Variants in CCDC3 observed in about 807,000 individuals in gnomAD.
The protein encoded by CCDC3 is coiled-coil domain containing 3.
A neutral mutation model predicts 21.4 loss-of-function variants in CCDC3; 24 were observed. The observed-to-expected ratio is 1.12, with a 90% CI of 0.81 to 1.58. CCDC3 has a LOEUF of 1.58. Among genes scored for constraint, CCDC3 ranks in the 40% most tolerant of loss-of-function variants. The pLI is 0.00. For missense variants in CCDC3, 425 were observed against 360.9 expected, an observed-to-expected ratio of 1.18 and a Z score of -1.44; for synonymous variants, 186 against 166.0, an observed-to-expected ratio of 1.12 and a Z score of -0.93.
At chr10:13,010,494 G>C (rs1471571161) in intron 5 of CCDC3, among the ~76,000 whole-genome samples, 2 of 152,120 alleles carry the variant, frequency 1.3e-5, no homozygotes, top group African/African-American at 4.8e-5. Context: ...GAACATGAAG[G>C]AACTGGAACT....
At chr10:12,963,154 T>C (rs1835205874) in intron 2 of CCDC3, among the ~76,000 whole-genome samples, 1 of 152,202 alleles carries the variant, frequency 6.6e-6, no homozygotes. Context: ...TGGGTTTCAT[T>C]AACACATTAA....
At chr10:12,912,729 G>A (rs1295021826) in intron 2 of CCDC3, among the ~76,000 whole-genome samples, 1 of 152,094 alleles carries the variant, frequency 6.6e-6, no homozygotes, top group Non-Finnish European at 1.5e-5. Context: ...TTTGCTTCTG[G>A]TAGGTTTACA....
At chr10:13,034,358 G>A (rs1378972536) in intron 5 of CCDC3, among the ~76,000 whole-genome samples, 3 of 122,578 alleles carry the variant, frequency 2.4e-5, no homozygotes, top group Non-Finnish European at 5.1e-5. Context: ...GGGGGGAGGG[G>A]CGAGGGATAG....
At chr10:12,994,420 A>C (rs1835728252) in intron 2 of CCDC3, among the ~76,000 whole-genome samples, 2 of 151,262 alleles carry the variant, frequency 1.3e-5, no homozygotes, top group African/African-American at 4.9e-5. Context: ...AAACAAAAAA[A>C]AAAAACACCC....
intron 4 of CCDC3, among the ~76,000 whole-genome samples, chr10:13,064,950 A>T (rs1174833290): frequency 1.3e-5 from 2 of 152,142 alleles, no homozygotes; most frequent in African/African-American, 4.8e-5. Flanking sequence ...ATATGCATTT[A>T]TCTCGGTGAG....
chr10:13,039,256 A>AC, intron 5 of CCDC3, among the ~76,000 whole-genome samples: 1 of 152,214 alleles, frequency 6.6e-6, no homozygotes, highest in Middle Eastern at 3.4e-3. Context: ...TTTCTACTAA[A>AC]CCCGCATATC....
intron 5 of CCDC3, among the ~76,000 whole-genome samples, chr10:13,043,416 A>G (rs1836486671): frequency 6.6e-6 from 1 of 152,062 alleles, no homozygotes; most frequent in Non-Finnish European, 1.5e-5. Flanking sequence ...AACATGGTGA[A>G]AACCTGCTTC....
chr10:13,089,770 T>C (rs952784288), intron 3 of CCDC3, among the ~76,000 whole-genome samples: 1 of 151,958 alleles, frequency 6.6e-6, no homozygotes, highest in African/African-American at 2.4e-5. Context: ...GAGATTTTGG[T>C]GCTCCCATCA....
intron 2 of CCDC3, among the ~76,000 whole-genome samples, chr10:12,943,019 C>A (rs1202551223): frequency 6.6e-6 from 1 of 152,104 alleles, no homozygotes; most frequent in Non-Finnish European, 1.5e-5. Context: ...ATGTTTATTT[C>A]TCTCTGTAGG....
chr10:13,004,428 CTA>C (rs1205101756), upstream of CCDC3, among the ~76,000 whole-genome samples: 7 of 152,178 alleles, frequency 4.6e-5, no homozygotes, highest in Non-Finnish European at 8.8e-5. Flanking sequence ...AGAAACATCA[CTA>C]TGGGAAATTC....
chr10:13,009,816 T>G (rs527944768), intron 5 of CCDC3, among the ~76,000 whole-genome samples: 1 of 152,326 alleles, frequency 6.6e-6, no homozygotes, highest in East Asian at 1.9e-4. Flanking sequence ...CTCTGCTAAC[T>G]TGAGTTAGAC....
intron 3 of CCDC3, among the ~76,000 whole-genome samples, chr10:13,097,317 C>CTT (rs1258096296): frequency 6.6e-6 from 1 of 152,212 alleles, no homozygotes; most frequent in African/African-American, 2.4e-5. Context: ...CTAACACAAG[C>CTT]AACAGCAACA....
At chr10:12,986,009 G>A (rs920807404) in intron 2 of CCDC3, among the ~76,000 whole-genome samples, 3 of 152,176 alleles carry the variant, frequency 2.0e-5, no homozygotes, top group Non-Finnish European at 2.9e-5. Flanking sequence ...CTGAGTAGCT[G>A]GGACTACAGG....
At chr10:13,046,803 G>A (rs1836535911) in intron 5 of CCDC3, among the ~76,000 whole-genome samples, 1 of 152,108 alleles carries the variant, frequency 6.6e-6, no homozygotes. Flanking sequence ...TTCAGATACA[G>A]TGATCTATCA....
rs919207413 is a variant in CCDC3 at position 12,919,051 on chromosome 10, A to G, written c.550-20372T>C. Among the ~76,000 whole-genome samples the G allele has an allele frequency of 2.0e-5, 3 of 151,920 alleles. No homozygotes were observed. The East Asian group carries it at 5.9e-4, about 30-fold the overall frequency. On this transcript the variant is annotated intron_variant, in intron 2 of 2. Coordinates refer to ENST00000378825, the MANE Select transcript of CCDC3 (RefSeq NM_031455.4). The stretch of plus-strand genomic sequence containing the variant: ...AGCCTGGGTGACAGAGCAAGACCCC[A>G]TCTCGAAAAACAAAACAAAACAAAA...
intron 5 of CCDC3, among the ~76,000 whole-genome samples, chr10:13,012,778 C>A (rs1835998658): frequency 1.3e-5 from 2 of 151,602 alleles, no homozygotes; most frequent in Admixed American, 1.3e-4. Context: ...CTAAAAAAAA[C>A]AAAACAAACA....
chr10:13,055,566 C>T (rs960310606), intron 4 of CCDC3, among the ~76,000 whole-genome samples: 28 of 152,114 alleles, frequency 1.8e-4, no homozygotes, highest in Non-Finnish European at 2.9e-4. Flanking sequence ...CTGAAGCAAT[C>T]CTCCTGCCTC....
chr10:12,911,748 T>TA lies in CCDC3; in HGVS notation c.550-13070dup, dbSNP rs1339232709. ...TAACTGTAGCCACCATGATGTCCAT[T>TA]AGATCTCCTGAAGTTATTCCTTGTA... On this transcript the variant is annotated intron_variant, in intron 2 of 2. Transcript: ENST00000378825. Among the ~76,000 whole-genome samples, 6 of 152,342 alleles carry TA rather than the reference T, an allele frequency of 3.9e-5. No individual in the cohort carries two copies. In the East Asian group the frequency reaches 1.2e-3, roughly 29 times the overall value.
At chr10:12,984,462 G>A (rs189712357) in intron 2 of CCDC3, among the ~76,000 whole-genome samples, 2 of 152,186 alleles carry the variant, frequency 1.3e-5, no homozygotes, top group Admixed American at 6.5e-5. Context: ...TGGTGGGCAC[G>A]TAAAATGGTG....
Sources: gnomAD v4.1 joint callset for allele counts (sites outside exome capture counted in the v4.1 genomes callset) on GRCh38, gnomAD v4.1.1 for gene constraint, MANE v1.5 for transcripts, NCBI Gene and HGNC (gene_info 2026-07-23, HGNC 2026-07-21) for gene names.